Variants in LIN54 observed in about 807,000 individuals in gnomAD.
The protein encoded by LIN54 is lin-54 DREAM MuvB core complex component, also known as protein lin-54 homolog.
In LIN54, 9 loss-of-function variants were observed where a neutral mutation model predicts 78.7. The ratio of observed to expected loss-of-function variants is 0.11; its 90% CI spans 0.07 to 0.20. The LOEUF is 0.20. LIN54 is among the 10% of genes least tolerant of loss of function. LIN54 has a pLI of 1.00. For synonymous variants in LIN54, 269 were observed against 318.4 expected, an observed-to-expected ratio of 0.84 and a Z score of 1.65; for missense variants, 573 against 889.9, an observed-to-expected ratio of 0.64 and a Z score of 4.53.
intron 2 of LIN54, among the ~76,000 whole-genome samples, chr4:82,983,075 T>G (rs1024488451): frequency 1.3e-4 from 19 of 150,722 alleles, no homozygotes; most frequent in Admixed American, 4.7e-4. Context: ...TGGCGCGATC[T>G]CGGCTCACTG....
chr4:82,963,350 T>C (rs1328111574), intron 4 of LIN54, among the ~76,000 whole-genome samples: 1 of 152,186 alleles, frequency 6.6e-6, no homozygotes, highest in African/African-American at 2.4e-5. Flanking sequence ...TTTAAAAAGT[T>C]CTTTAGAGAT....
chr4:82,983,761 TCTC>T (rs1351097137), intron 2 of LIN54, among the ~76,000 whole-genome samples: 2 of 151,880 alleles, frequency 1.3e-5, no homozygotes, highest in Admixed American at 6.6e-5. Flanking sequence ...GCAACAAAGT[TCTC>T]CTAGCCTTTG....
intron 1 of LIN54, among the ~76,000 whole-genome samples, chr4:82,993,897 T>C (rs960558823): frequency 6.6e-6 from 1 of 152,104 alleles, no homozygotes; most frequent in African/African-American, 2.4e-5. Context: ...ATTACAGGCA[T>C]GAGCCACTAC....
intron 4 of LIN54, among the ~76,000 whole-genome samples, chr4:82,968,965 G>A (rs1007760516): frequency 2.0e-5 from 3 of 152,040 alleles, no homozygotes; most frequent in Non-Finnish European, 4.4e-5. Context: ...ACTAGGCGTC[G>A]GTATTTATTA....
At chr4:82,993,180 C>T (rs1312796250) in intron 1 of LIN54, among the ~76,000 whole-genome samples, 2 of 149,984 alleles carry the variant, frequency 1.3e-5, no homozygotes, top group East Asian at 3.9e-4. Flanking sequence ...ATCTTTACCT[C>T]TTTGCTTCTG....
At chr4:82,950,101 G>A (rs1723739582) in intron 4 of LIN54, among the ~76,000 whole-genome samples, 1 of 152,046 alleles carries the variant, frequency 6.6e-6, no homozygotes, top group Non-Finnish European at 1.5e-5. Flanking sequence ...TGCTCCCAAA[G>A]TGCTGGGATT....
intron 4 of LIN54, among the ~76,000 whole-genome samples, chr4:82,964,809 T>C (rs921605881): frequency 6.6e-5 from 10 of 152,118 alleles, no homozygotes; most frequent in Non-Finnish European, 1.3e-4. Flanking sequence ...GTAGATCACT[T>C]GAGGTCAGCC....
chr4:82,956,890 G>A (rs1724381255), intron 4 of LIN54, among the ~76,000 whole-genome samples: 1 of 152,066 alleles, frequency 6.6e-6, no homozygotes, highest in South Asian at 2.1e-4. Context: ...CCCAAAAAGT[G>A]CTGAGATTAC....
chr4:82,971,548 A>AC (rs1725659392), intron 3 of LIN54, among the ~76,000 whole-genome samples: 1 of 152,010 alleles, frequency 6.6e-6, no homozygotes, highest in African/African-American at 2.4e-5. Context: ...AAAAAAAAAA[A>AC]ACAGGTTTTT....
intron 3 of LIN54, 115 bp from the exon 4 acceptor site, chr4:82,970,584 C>G: frequency 3.1e-6 from 3 of 960,260 alleles, no homozygotes; most frequent in South Asian, 1.8e-5. Flanking sequence ...TATTTCATGT[C>G]AACACTTAAT....
intron 4 of LIN54, among the ~76,000 whole-genome samples, chr4:82,958,241 A>G (rs999559634): frequency 2.6e-5 from 4 of 152,226 alleles, no homozygotes; most frequent in African/African-American, 9.6e-5. Context: ...ATTATTATGT[A>G]TATATACAGA....
intron 1 of LIN54, among the ~76,000 whole-genome samples, chr4:82,995,953 C>T (rs1473107252): frequency 6.6e-6 from 1 of 151,688 alleles, no homozygotes; most frequent in Non-Finnish European, 1.5e-5. Flanking sequence ...CAAGACCAGC[C>T]TGAGCAACAT....
intron 11 of LIN54, among the ~76,000 whole-genome samples, chr4:82,934,854 G>C (rs553341724): frequency 6.6e-6 from 1 of 152,094 alleles, no homozygotes; most frequent in South Asian, 2.1e-4. Context: ...AACCAATTAT[G>C]GTAATCTAGG....
chr4:82,947,236 T>TATATATATATATATATATATA (rs1553949048), intron 4 of LIN54, among the ~76,000 whole-genome samples: 1 of 4,472 alleles, frequency 2.2e-4, no homozygotes, highest in African/African-American at 4.0e-4. Context: ...TATATATATA[T>TATATATATATATATATATATA]TTTTTTTTTT....
At chr4:82,975,805 A>C (rs1032807670) in intron 3 of LIN54, among the ~76,000 whole-genome samples, 5 of 152,158 alleles carry the variant, frequency 3.3e-5, no homozygotes. Flanking sequence ...CAAGAAAACC[A>C]AGATTTATAA....
At chr4:82,986,702 C>CAAAAAAAAAAAAAA (rs70943178) in intron 1 of LIN54, among the ~76,000 whole-genome samples, 1 of 68,732 alleles carries the variant, frequency 1.5e-5, no homozygotes, top group Non-Finnish European at 2.7e-5. Flanking sequence ...GACCCCATCT[C>CAAAAAAAAAAAAAA]AAAAAAAAAA....
At position 82,939,712 on chromosome 4, in the gene LIN54, T is replaced by A. The variant is rs747150321; in HGVS notation, c.1267A>T (p.Thr423Ser). ...TGGCTAGTAGTTACTATTTGTGAAG[T>A]TGGATTGATTGGTTTTGGAACAACC... ...KQVVPKPINP[T>S]SQIVTTSQPQ... The change falls in exon 7 of 13, where the codon ACT (threonine) becomes TCT (serine). Residue 423 changes from threonine (T) to serine (S), a missense_variant. By Grantham distance (58) the Thr-to-Ser change is moderately conservative. Coordinates refer to ENST00000340417, the MANE Select transcript of LIN54 (RefSeq NM_194282.4). The A allele has an allele frequency of 6.2e-7, 1 of 1,614,146 alleles. No individual in the cohort carries two copies. The highest frequency in any genetic ancestry group is 1.1e-5 in the South Asian group (1 of 91,080).
In LIN54 at chr4:82,984,462, A is replaced by G. The variant is rs555030800; in HGVS notation, c.383T>C (p.Leu128Pro). ...NKVSQTSDLK[L>P]GNQTLKPDGQ... Reference sequence around the variant, plus strand: ...ATCTGGTTTAAGGGTCTGATTGCCAAGTTTAAGATCAGATGTCTGTGATAC... The same window carrying G: ...ATCTGGTTTAAGGGTCTGATTGCCAGGTTTAAGATCAGATGTCTGTGATAC... Residue 128 changes from leucine to proline, a missense_variant, in exon 2 of 13, where the codon CTT (leucine) becomes CCT (proline). By Grantham distance (98) the Leu-to-Pro change is moderately conservative (BLOSUM62 -3). This residue lies in a region of LIN54 where 183 missense variants were observed against 228.4 expected (regional missense o/e 0.80). Transcript: ENST00000340417. The G allele has an allele frequency of 1.9e-6, 3 of 1,614,226 alleles. No homozygotes were observed. The African/African-American group carries it at 4.0e-5, about 22-fold the overall frequency.
chr4:82,933,461 C>A (rs1469507154), intron 11 of LIN54, among the ~76,000 whole-genome samples: 1 of 151,334 alleles, frequency 6.6e-6, no homozygotes, highest in African/African-American at 2.4e-5. Flanking sequence ...GCCATTCATC[C>A]AATCAACAAG....
Sources: gnomAD v4.1 joint callset for allele counts (sites outside exome capture counted in the v4.1 genomes callset) on GRCh38, gnomAD v4.1.1 for gene constraint, gnomAD v4.1.1 regional missense constraint, MANE v1.5 for transcripts, NCBI Gene and HGNC (gene_info 2026-07-23, HGNC 2026-07-21) for gene names.